Variants in DSCAM observed in about 807,000 individuals in gnomAD.
DSCAM encodes cell adhesion molecule DSCAM.
Under a neutral mutation model 217.7 loss-of-function variants are expected in DSCAM, and 47 were observed. The ratio of observed to expected loss-of-function variants is 0.22; its 90% CI spans 0.17 to 0.28. The LOEUF (loss-of-function observed/expected upper bound fraction) is 0.28. DSCAM is among the 10% of genes least tolerant of loss of function. DSCAM has a pLI of 1.00. For missense variants in DSCAM, 2,080 were observed against 2,618.3 expected, an observed-to-expected ratio of 0.79 and a Z score of 4.49; for synonymous variants, 1,056 against 1,015.3, an observed-to-expected ratio of 1.04 and a Z score of -0.76.
intron 3 of DSCAM, among the ~76,000 whole-genome samples, chr21:40,606,810 G>T (rs1263350278): frequency 2.0e-5 from 3 of 152,170 alleles, no homozygotes; most frequent in Non-Finnish European, 4.4e-5. Context: ...CACATATTTT[G>T]GGAGAGACCT....
intron 3 of DSCAM, among the ~76,000 whole-genome samples, chr21:40,568,735 T>C (rs2076783634): frequency 6.6e-6 from 1 of 152,188 alleles, no homozygotes; most frequent in Non-Finnish European, 1.5e-5. Context: ...GAGAATAAAA[T>C]ACCAGCATTT....
intron 4 of DSCAM, among the ~76,000 whole-genome samples, chr21:40,363,763 T>A (rs1383805330): frequency 6.6e-6 from 1 of 151,840 alleles, no homozygotes; most frequent in African/African-American, 2.4e-5. Flanking sequence ...TAGGAGAAAA[T>A]TTTTGCAATC....
intron 1 of DSCAM, among the ~76,000 whole-genome samples, chr21:40,796,903 C>T (rs2091696356): frequency 6.6e-6 from 1 of 152,110 alleles, no homozygotes; most frequent in South Asian, 2.1e-4. Context: ...CAAGAGTATC[C>T]ACTTATTTTC....
chr21:40,468,906 G>A (rs1278360962), intron 3 of DSCAM, among the ~76,000 whole-genome samples: 29 of 152,136 alleles, frequency 1.9e-4, no homozygotes, highest in Admixed American at 1.9e-3. Context: ...GGGAGAGAAA[G>A]GTGGAAAGAG....
At chr21:40,038,863 T>C (rs2088683920) in intron 32 of DSCAM, among the ~76,000 whole-genome samples, 1 of 151,546 alleles carries the variant, frequency 6.6e-6, no homozygotes, top group African/African-American at 2.4e-5. Flanking sequence ...TCATGTCCTT[T>C]GTAGGGACAT....
chr21:40,300,623 T>C (rs996409754), intron 9 of DSCAM, among the ~76,000 whole-genome samples: 1 of 152,192 alleles, frequency 6.6e-6, no homozygotes, highest in East Asian at 1.9e-4. Context: ...TGAAAAACAA[T>C]TGTCCATCAC....
chr21:40,438,478 G>T (rs995261591), intron 3 of DSCAM, among the ~76,000 whole-genome samples: 2 of 152,134 alleles, frequency 1.3e-5, no homozygotes, highest in South Asian at 2.1e-4. Context: ...TAAAGCAAAT[G>T]AACATTATAC....
chr21:40,357,720 G>A (rs2074710047), intron 4 of DSCAM, among the ~76,000 whole-genome samples: 2 of 152,032 alleles, frequency 1.3e-5, no homozygotes, highest in African/African-American at 4.8e-5. Flanking sequence ...GTGGGGTGCG[G>A]GGAGGGGGGA....
At chr21:40,189,294 C>T (rs1601424231) in intron 11 of DSCAM, 56 bp from the exon 12 acceptor site, 1 of 1,372,768 alleles carries the variant, frequency 7.3e-7, no homozygotes, top group Non-Finnish European at 9.8e-7. Flanking sequence ...TTGATTTTCC[C>T]TGGCAAAACA....
chr21:40,348,002 T>C, intron 5 of DSCAM, 57 bp from the exon 6 acceptor site: 2 of 1,540,278 alleles, frequency 1.3e-6, no homozygotes, highest in South Asian at 2.5e-5. Context: ...AGATAGCATT[T>C]CGACAACAGG....
intron 3 of DSCAM, among the ~76,000 whole-genome samples, chr21:40,515,358 C>T (rs1302485702): frequency 1.3e-5 from 2 of 152,152 alleles, no homozygotes; most frequent in Non-Finnish European, 2.9e-5. Context: ...CACTTGATAA[C>T]AAGTTGCCTC....
intron 3 of DSCAM, among the ~76,000 whole-genome samples, chr21:40,546,129 C>G (rs990714081): frequency 6.6e-6 from 1 of 152,210 alleles, no homozygotes; most frequent in African/African-American, 2.4e-5. Context: ...TACATTCTCC[C>G]CTCCTAGGAC....
At chr21:40,468,678 T>A in intron 3 of DSCAM, among the ~76,000 whole-genome samples, 1 of 152,168 alleles carries the variant, frequency 6.6e-6, no homozygotes, top group East Asian at 1.9e-4. Flanking sequence ...AGCATCTCGA[T>A]AGCCTAAGGG....
chr21:40,256,495 C>T (rs1480038477), intron 11 of DSCAM, among the ~76,000 whole-genome samples: 4 of 151,884 alleles, frequency 2.6e-5, no homozygotes, highest in East Asian at 1.9e-4. Context: ...GATAAGGAAC[C>T]ACTCCATGAA....
chr21:40,447,006 T>G (rs2145922812), intron 3 of DSCAM, among the ~76,000 whole-genome samples: 1 of 152,252 alleles, frequency 6.6e-6, no homozygotes, highest in African/African-American at 2.4e-5. Flanking sequence ...CAAGGTGCCC[T>G]CCCGCTTGGT....
intron 19 of DSCAM, among the ~76,000 whole-genome samples, chr21:40,127,821 C>G (rs1485706516): frequency 6.6e-6 from 1 of 152,162 alleles, no homozygotes; most frequent in Non-Finnish European, 1.5e-5. Context: ...GACAGGTCAG[C>G]AGTTGGGCTC....
At chr21:40,763,744 G>T (rs1052061034) in intron 1 of DSCAM, among the ~76,000 whole-genome samples, 1 of 152,148 alleles carries the variant, frequency 6.6e-6, no homozygotes, top group Non-Finnish European at 1.5e-5. Flanking sequence ...TATCAAAACA[G>T]ATATATAGAC....
At chr21:40,292,642 G>C (rs1410417927) in intron 10 of DSCAM, among the ~76,000 whole-genome samples, 2 of 152,046 alleles carry the variant, frequency 1.3e-5, no homozygotes, top group East Asian at 3.9e-4. Flanking sequence ...TTTACTCCTT[G>C]AGCCAGCAAC....
intron 27 of DSCAM, among the ~76,000 whole-genome samples, chr21:40,069,170 T>C (rs1258276696): frequency 6.6e-6 from 1 of 152,046 alleles, no homozygotes; most frequent in Non-Finnish European, 1.5e-5. Flanking sequence ...TGCATGGCTA[T>C]TGAGAGACTA....
Sources: allele counts gnomAD v4.1 joint callset (sites outside exome capture counted in the v4.1 genomes callset), GRCh38; gene constraint gnomAD v4.1.1; transcripts MANE v1.5; gene names NCBI Gene and HGNC (gene_info 2026-07-23, HGNC 2026-07-21).